Variants in SUPT3H observed in about 807,000 individuals in gnomAD.
The protein encoded by SUPT3H is SPT3 homolog, SAGA and STAGA complex component, also known as transcription initiation protein SPT3 homolog.
In SUPT3H, 44 loss-of-function variants were observed where a neutral mutation model predicts 44.3. The ratio of observed to expected loss-of-function variants is 0.99; its 90% CI spans 0.78 to 1.28. The LOEUF (loss-of-function observed/expected upper bound fraction) is 1.28, where lower values mean the gene tolerates loss of function less well. Among genes scored for constraint, SUPT3H ranks in the 50% most tolerant of loss-of-function variants. The pLI, the probability that SUPT3H is intolerant of heterozygous loss-of-function variation, is 0.00. For synonymous variants in SUPT3H, 124 were observed against 125.6 expected (o/e 0.99, Z 0.09); for missense variants, 380 against 387.1 (o/e 0.98, Z 0.15).
At chr6:44,860,036 G>A (rs994225971) in intron 10 of SUPT3H, among the ~76,000 whole-genome samples, 1 of 152,078 alleles carries the variant, frequency 6.6e-6, no homozygotes, top group Non-Finnish European at 1.5e-5. Context: ...TCCTAAAAGA[G>A]TTTATATACC....
At position 45,281,561 on chromosome 6, in the gene SUPT3H, C is replaced by T. The variant is rs149808015; in HGVS notation, c.101+83640G>A. On this transcript the variant is annotated intron_variant, in intron 2 of 10. Transcript: ENST00000371459. ...GTTGGGGGAGGGGCGCCCACCATTGCCGACGCTTGAGTAGCTAAACAAAGC... is the reference window on the plus strand; with the variant it reads ...GTTGGGGGAGGGGCGCCCACCATTGTCGACGCTTGAGTAGCTAAACAAAGC... Among the ~76,000 whole-genome samples, 239 of 152,290 alleles carry T rather than the reference C, an allele frequency of 1.6e-3. 2 individuals are homozygous for T. Among genetic ancestry groups the T allele is most frequent in the African/African-American group, 5.3e-3 (222 of 41,566 alleles).
intron 1 of SUPT3H, among the ~76,000 whole-genome samples, chr6:45,365,877 A>G (rs1795052134): frequency 8.2e-6 from 1 of 121,720 alleles, no homozygotes; most frequent in African/African-American, 2.7e-5. Flanking sequence ...CGGTAGATCA[A>G]AAGCATTATA....
chr6:45,017,701 C>T (rs925182944), intron 4 of SUPT3H, among the ~76,000 whole-genome samples: 1 of 146,934 alleles, frequency 6.8e-6, no homozygotes, highest in South Asian at 2.3e-4. Context: ...TTCCATTGAT[C>T]TATATCTCTG....
intron 6 of SUPT3H, among the ~76,000 whole-genome samples, chr6:44,994,480 C>T (rs889948498): frequency 3.3e-5 from 5 of 152,034 alleles, no homozygotes; most frequent in South Asian, 2.1e-4. Context: ...CTTTTCACAC[C>T]CATTACTTCT....
intron 2 of SUPT3H, chr6:45,321,753 G>T: frequency 7.3e-7 from 1 of 1,364,882 alleles, no homozygotes. Context: ...CCATAAACTT[G>T]TTCTCTTGAA....
chr6:45,123,527 C>T (rs1801979441), intron 2 of SUPT3H, among the ~76,000 whole-genome samples: 1 of 151,792 alleles, frequency 6.6e-6, no homozygotes. Context: ...CTGTGAGCCA[C>T]TGCACTCAGC....
rs938668346 is a variant in SUPT3H at position 45,053,699 on chromosome 6, C to T, written c.187-33067G>A. The stretch of plus-strand genomic sequence containing the variant: ...GGATCACCAGGTCAGGAGATCAAGA[C>T]CATCCTGTCTAACACGGTGAAACCC... On this transcript the variant is annotated intron_variant, in intron 3 of 10. Coordinates refer to ENST00000371459, the MANE Select transcript of SUPT3H (RefSeq NM_003599.4). 2.1e-5 allele frequency among the ~76,000 whole-genome samples: 3 copies of T among 141,406 alleles called. No individual in the cohort carries two copies. The East Asian group carries it at 6.1e-4, about 29-fold the overall frequency. The allele number at this position is 141,406 out of a possible 152,430, so 92.8% of individuals were successfully genotyped here. A position where few individuals can be genotyped will look rare whatever the true frequency, so the allele number is the denominator to read the frequency against.
At chr6:45,016,946 T>C (rs1230649977) in intron 4 of SUPT3H, among the ~76,000 whole-genome samples, 1 of 150,678 alleles carries the variant, frequency 6.6e-6, no homozygotes, top group Non-Finnish European at 1.5e-5. Flanking sequence ...TTGAACTAGT[T>C]TACAGTCCCA....
At chr6:45,157,463 A>T (rs1341399790) in intron 2 of SUPT3H, among the ~76,000 whole-genome samples, 1 of 151,784 alleles carries the variant, frequency 6.6e-6, no homozygotes, top group Admixed American at 6.6e-5. Flanking sequence ...ACCCCAAGAG[A>T]TTCTGATTTA....
chr6:45,136,927 C>T (rs1470745563), intron 2 of SUPT3H, among the ~76,000 whole-genome samples: 4 of 152,126 alleles, frequency 2.6e-5, no homozygotes, highest in East Asian at 1.9e-4. Context: ...TTAATCTACA[C>T]ATCCAGTCTC....
intron 2 of SUPT3H, among the ~76,000 whole-genome samples, chr6:45,167,373 T>C (rs1348140033): frequency 1.3e-5 from 2 of 152,216 alleles, no homozygotes; most frequent in Non-Finnish European, 2.9e-5. Context: ...ATGGGCTTAC[T>C]AAATGATAAC....
chr6:45,201,456 C>G (rs149525800), intron 2 of SUPT3H, among the ~76,000 whole-genome samples: 104 of 151,786 alleles, frequency 6.9e-4, no homozygotes, highest in Non-Finnish European at 1.1e-3. Context: ...GTTAGTTATT[C>G]CATATTCCCA....
chr6:44,840,724 C>T (rs150855795), intron 10 of SUPT3H, among the ~76,000 whole-genome samples: 1,790 of 152,256 alleles, frequency 0.012, 29 homozygotes, highest in Admixed American at 0.052. Context: ...ATGTGTAAAA[C>T]TATTTCCTAT....
intron 11 of SUPT3H, among the ~76,000 whole-genome samples, chr6:44,819,507 C>T (rs1161189311): frequency 4.1e-5 from 5 of 121,210 alleles, no homozygotes; most frequent in Admixed American, 2.4e-4. Context: ...TTTAAAGAAA[C>T]ATAGATAAGA....
At chr6:44,948,491 T>C (rs1773712728) in intron 9 of SUPT3H, among the ~76,000 whole-genome samples, 1 of 152,144 alleles carries the variant, frequency 6.6e-6, no homozygotes, top group African/African-American at 2.4e-5. Flanking sequence ...AATCTACCCA[T>C]CTGACAAAGG....
intron 3 of SUPT3H, among the ~76,000 whole-genome samples, chr6:45,089,521 ATT>A (rs1310706931): frequency 1.3e-5 from 2 of 151,824 alleles, no homozygotes; most frequent in Non-Finnish European, 2.9e-5. Context: ...TAAAACCACC[ATT>A]TCTCTTCCAA....
At position 44,950,143 on chromosome 6, in the gene SUPT3H, C is replaced by G. The variant is rs73443298; in HGVS notation, c.801+3167G>C. Among the ~76,000 whole-genome samples the G allele has an allele frequency of 3.9e-3, 600 of 152,318 alleles. 6 individuals carry two copies. The highest frequency in any genetic ancestry group is 0.014 in the African/African-American group (575 of 41,572). Reference sequence around the variant, plus strand: ...GAAGACTTATCTTTCATAGCCTCTTCTCTTTAATGGTCAAACACCTCAAGT... The same window carrying G: ...GAAGACTTATCTTTCATAGCCTCTTGTCTTTAATGGTCAAACACCTCAAGT... On this transcript the variant is annotated intron_variant, in intron 9 of 10. Transcript: ENST00000371459.
intron 10 of SUPT3H, among the ~76,000 whole-genome samples, chr6:44,931,446 T>C (rs143897067): frequency 1.1e-4 from 16 of 152,282 alleles, no homozygotes; most frequent in African/African-American, 3.6e-4. Context: ...ATTCATAATT[T>C]TTCATGTTCA....
Position 45,286,135 on chromosome 6 carries a change from T to G in SUPT3H, c.101+79066A>C, listed in dbSNP as rs553635661. ...GACTTAAATGTTAGCCCTAAAACCA[T>G]AAAAACCCTAGAAGAAAACCTAGGC... On this transcript the variant is annotated intron_variant, in intron 2 of 10. Transcript: ENST00000371459. Among the ~76,000 whole-genome samples, 828 of 151,678 alleles carry G rather than the reference T, an allele frequency of 5.5e-3. 14 individuals carry two copies. Among genetic ancestry groups the G allele is most frequent in the African/African-American group, 0.019 (770 of 41,282 alleles).
Sources: allele counts gnomAD v4.1 joint callset (sites outside exome capture counted in the v4.1 genomes callset), GRCh38; gene constraint gnomAD v4.1.1; transcripts MANE v1.5; gene names NCBI Gene and HGNC (gene_info 2026-07-23, HGNC 2026-07-21).